MARCHF1: variants seen among roughly 807,000 people sequenced by gnomAD.
The protein encoded by MARCHF1 is membrane associated ring-CH-type finger 1.
In MARCHF1, 40 loss-of-function variants were observed where a neutral mutation model predicts 54.2. The ratio of observed to expected loss-of-function variants is 0.74; its 90% CI spans 0.57 to 0.96. The LOEUF is 0.96. Among genes scored for constraint, MARCHF1 ranks in the 40% least tolerant of loss-of-function variants. MARCHF1 has a pLI of 0.00. For missense variants in MARCHF1, 586 were observed against 656.5 expected (o/e 0.89, Z 1.17); for synonymous variants, 236 against 236.3 (o/e 1.00, Z 0.01).
intron 1 of MARCHF1, among the ~76,000 whole-genome samples, chr4:164,131,966 T>C (rs896369996): frequency 6.6e-6 from 1 of 152,158 alleles, no homozygotes; most frequent in African/African-American, 2.4e-5. Flanking sequence ...ATGTATAAAT[T>C]CTACGTATAA....
intron 1 of MARCHF1, among the ~76,000 whole-genome samples, chr4:164,237,923 T>G (rs1461063307): frequency 1.3e-5 from 2 of 152,002 alleles, no homozygotes; most frequent in Admixed American, 6.6e-5. Flanking sequence ...AAAGAACAAC[T>G]GATCCATGTG....
rs370720546 is a variant in MARCHF1 at position 164,268,559 on chromosome 4, T to C, written c.-323+115311A>G. ...CACACTCTAGACTGTCAGGCTAAGA[T>C]CTCTGATATAAAACAGACCTCTTCT... On this transcript the variant is annotated intron_variant, in intron 1 of 9. Transcript: ENST00000514618. Among the ~76,000 whole-genome samples the C allele has an allele frequency of 3.1e-4, 47 of 152,244 alleles. No individual in the cohort carries two copies. The East Asian group carries it at 5.0e-3, about 16-fold the overall frequency.
intron 1 of MARCHF1, among the ~76,000 whole-genome samples, chr4:164,323,008 A>G (rs921287435): frequency 1.3e-5 from 2 of 152,002 alleles, no homozygotes; most frequent in African/African-American, 2.4e-5. Context: ...TCAAAGATAC[A>G]TAGAATTTCA....
chr4:164,067,960 A>T (rs1000626343), intron 2 of MARCHF1, among the ~76,000 whole-genome samples: 4 of 152,214 alleles, frequency 2.6e-5, no homozygotes, highest in African/African-American at 7.2e-5. Flanking sequence ...GCCTAAAAAC[A>T]TATGAAAAAA....
intron 1 of MARCHF1, among the ~76,000 whole-genome samples, chr4:164,261,672 A>G (rs1733470646): frequency 6.6e-6 from 1 of 152,164 alleles, no homozygotes; most frequent in Non-Finnish European, 1.5e-5. Flanking sequence ...AGCTCTTCAA[A>G]GAACTGGCTC....
chr4:164,120,219 C>A (rs958383329), intron 1 of MARCHF1, among the ~76,000 whole-genome samples: 3 of 151,932 alleles, frequency 2.0e-5, no homozygotes, highest in Non-Finnish European at 4.4e-5. Flanking sequence ...CAAGGCAAAA[C>A]TGTAAGAAGA....
intron 1 of MARCHF1, among the ~76,000 whole-genome samples, chr4:164,211,329 ATG>A (rs755503839): frequency 2.3e-5 from 2 of 88,724 alleles, no homozygotes; most frequent in African/African-American, 5.8e-5. Flanking sequence ...GTATGTATGT[ATG>A]TATATATATA....
chr4:164,341,907 C>T (rs1406110964), intron 1 of MARCHF1, among the ~76,000 whole-genome samples: 1 of 152,066 alleles, frequency 6.6e-6, no homozygotes, highest in Non-Finnish European at 1.5e-5. Flanking sequence ...AATCAACATT[C>T]AAAAAATTTG....
Position 163,721,996 on chromosome 4 carries a change from A to AT in MARCHF1, c.112-21134dup, listed in dbSNP as rs531776071. Among the ~76,000 whole-genome samples the AT allele has an allele frequency of 8.7e-4, 132 of 151,976 alleles. 1 individual carries two copies. The highest frequency in any genetic ancestry group is 3.4e-3 in the Middle Eastern group (1 of 294). On this transcript the variant is annotated intron_variant, in intron 4 of 9. Coordinates refer to ENST00000514618, the MANE Select transcript of MARCHF1 (RefSeq NM_001394959.1). The stretch of plus-strand genomic sequence containing the variant: ...AAAAAACCAGTTCCTGGATTCATTG[A>AT]TTTTTTGAAGGTGTTTTTGTGTTTT...
intron 2 of MARCHF1, among the ~76,000 whole-genome samples, chr4:164,007,668 G>A (rs1299620502): frequency 6.6e-6 from 1 of 151,680 alleles, no homozygotes; most frequent in Non-Finnish European, 1.5e-5. Context: ...GTGTGTGTGT[G>A]TGTGTGTGTG....
chr4:164,004,448 AAAC>A (rs1294992941), intron 2 of MARCHF1, among the ~76,000 whole-genome samples: 1 of 152,178 alleles, frequency 6.6e-6, no homozygotes, highest in African/African-American at 2.4e-5. Flanking sequence ...TACAATTTCA[AAAC>A]AACTTTCTGG....
intron 5 of MARCHF1, among the ~76,000 whole-genome samples, chr4:163,671,007 C>T (rs1184378166): frequency 3.3e-5 from 5 of 152,132 alleles, no homozygotes; most frequent in African/African-American, 1.2e-4. Context: ...TTGATTTCAC[C>T]TCTTCTGAGT....
chr4:163,548,900 A>G (rs1460452755), intron 8 of MARCHF1, among the ~76,000 whole-genome samples: 1 of 152,236 alleles, frequency 6.6e-6, no homozygotes, highest in Non-Finnish European at 1.5e-5. Flanking sequence ...AATATTCATG[A>G]TGCTGAAATT....
intron 1 of MARCHF1, among the ~76,000 whole-genome samples, chr4:164,176,941 GCTCTCTCTCTCTCT>G (rs57770641): frequency 4.8e-4 from 28 of 58,180 alleles, no homozygotes; most frequent in African/African-American, 1.1e-3. Flanking sequence ...TACCTTGTGC[GCTCTCTCTCTCTCT>G]CTCTCTCTCT....
intron 2 of MARCHF1, among the ~76,000 whole-genome samples, chr4:164,078,211 G>A (rs556197156): frequency 1.3e-5 from 2 of 152,094 alleles, no homozygotes; most frequent in African/African-American, 4.8e-5. Context: ...ATAAGAAAAG[G>A]ATGAGTTCAT....
chr4:163,969,512 C>A (rs143556611), intron 3 of MARCHF1, among the ~76,000 whole-genome samples: 1 of 152,130 alleles, frequency 6.6e-6, no homozygotes. Flanking sequence ...TGGTTTCCTG[C>A]TTTTACAGAA....
intron 1 of MARCHF1, among the ~76,000 whole-genome samples, chr4:164,298,450 T>C (rs938019868): frequency 6.6e-6 from 1 of 152,062 alleles, no homozygotes; most frequent in African/African-American, 2.4e-5. Context: ...GAATACCCAT[T>C]TAAAGTAACC....
At chr4:163,573,998 T>C (rs1364457866) in intron 8 of MARCHF1, among the ~76,000 whole-genome samples, 1 of 151,890 alleles carries the variant, frequency 6.6e-6, no homozygotes, top group Non-Finnish European at 1.5e-5. Flanking sequence ...TTTTAATGAT[T>C]GCCATTCTAA....
At chr4:164,031,949 A>C (rs1185349183) in intron 2 of MARCHF1, among the ~76,000 whole-genome samples, 1 of 152,116 alleles carries the variant, frequency 6.6e-6, no homozygotes. Flanking sequence ...TGACTTGCGA[A>C]TCCACCTGGT....
Sources: gnomAD v4.1 joint callset for allele counts (sites outside exome capture counted in the v4.1 genomes callset) on GRCh38, gnomAD v4.1.1 for gene constraint, MANE v1.5 for transcripts, NCBI Gene and HGNC (gene_info 2026-07-23, HGNC 2026-07-21) for gene names.